COL13A1: variants seen among roughly 807,000 people sequenced by gnomAD.
The protein encoded by COL13A1 is collagen type XIII alpha 1 chain, also known as collagen alpha-1(XIII) chain.
COL13A1 carries 89 observed loss-of-function variants against 130.9 expected under a neutral mutation model. The observed-to-expected ratio is 0.68, with a 90% CI of 0.57 to 0.81. The LOEUF (loss-of-function observed/expected upper bound fraction) is 0.81, where lower values mean the gene tolerates loss of function less well. Ranked by LOEUF, COL13A1 falls within the 30% of genes least tolerant of loss-of-function variation. The pLI, the probability that COL13A1 is intolerant of heterozygous loss-of-function variation, is 0.00. For missense variants in COL13A1, 879 were observed against 934.6 expected (o/e 0.94, Z 0.78); for synonymous variants, 402 against 341.6 (o/e 1.18, Z -1.95).
intron 2 of COL13A1, among the ~76,000 whole-genome samples, chr10:69,837,530 A>G (rs904003338): frequency 3.3e-5 from 5 of 152,240 alleles, no homozygotes; most frequent in Non-Finnish European, 5.9e-5. Flanking sequence ...ATGCTGCCAC[A>G]GAAACTGATT....
intron 17 of COL13A1, among the ~76,000 whole-genome samples, chr10:69,914,819 G>T (rs2063750773): frequency 6.6e-6 from 1 of 152,224 alleles, no homozygotes; most frequent in Non-Finnish European, 1.5e-5. Flanking sequence ...TTCAGATGAG[G>T]TACTGTCACG....
In COL13A1 at chr10:69,857,436, G is replaced by A; in HGVS notation, c.365-10362G>A. On this transcript the variant is annotated intron_variant, in intron 2 of 40. Coordinates refer to ENST00000645393, the MANE Select transcript of COL13A1 (RefSeq NM_001368882.1). ...GGTACTGGTTCAGAGCAAGCGAAGT[G>A]TCCTCTGAATTGACAGCTGCTCCCC... is the stretch of plus-strand genomic sequence containing the variant. Among the ~76,000 whole-genome samples, 2 of 152,188 alleles carry A rather than the reference G, an allele frequency of 1.3e-5. 1 individual carries two copies. Among genetic ancestry groups the A allele is most frequent in the East Asian group, 3.9e-4 (2 of 5,184 alleles).
At chr10:69,943,405 G>A (rs1469605677) in intron 35 of COL13A1, among the ~76,000 whole-genome samples, 1 of 152,230 alleles carries the variant, frequency 6.6e-6, no homozygotes, top group Non-Finnish European at 1.5e-5. Flanking sequence ...AACTGGGAAC[G>A]TGGGAAGATG....
chr10:69,917,234 G>T, intron 17 of COL13A1, 55 bp from the exon 18 acceptor site: 2 of 1,606,412 alleles, frequency 1.2e-6, no homozygotes, highest in Non-Finnish European at 8.5e-7. Context: ...ATCCTTGCAG[G>T]CTGACAGGCC....
At chr10:69,850,519 C>T (rs1394625553) in intron 2 of COL13A1, among the ~76,000 whole-genome samples, 5 of 150,890 alleles carry the variant, frequency 3.3e-5, no homozygotes, top group South Asian at 2.1e-4. Context: ...GGCCTTCCAG[C>T]GGCCTCCTGC....
At chr10:69,836,374 T>TTGG (rs1850066341) in intron 2 of COL13A1, among the ~76,000 whole-genome samples, 1 of 152,174 alleles carries the variant, frequency 6.6e-6, no homozygotes, top group Non-Finnish European at 1.5e-5. Context: ...AACCACACTG[T>TTGG]TGGTGGCTTG....
chr10:69,900,093 G>A (rs1410061597), intron 14 of COL13A1, among the ~76,000 whole-genome samples: 1 of 152,166 alleles, frequency 6.6e-6, no homozygotes, highest in Non-Finnish European at 1.5e-5. Flanking sequence ...ACCAGAGCAT[G>A]GCTACTCAGG....
Position 69,958,739 on chromosome 10 carries a change from A to T in COL13A1, c.*38A>T, listed in dbSNP as rs2071301018. 2 of 1,612,570 alleles carry T rather than the reference A, an allele frequency of 1.2e-6. No homozygotes were observed. The highest frequency in any genetic ancestry group is 8.5e-7 in the Non-Finnish European group (1 of 1,179,614). ...TGGATTGGCCTGTGTGTGTGTTTGTACATAGAATATTTATTTTTATACAGT... is the reference window on the plus strand; with the variant it reads ...TGGATTGGCCTGTGTGTGTGTTTGTTCATAGAATATTTATTTTTATACAGT... On this transcript the variant is annotated 3_prime_UTR_variant, in exon 41 of 41. Coordinates refer to ENST00000645393, the MANE Select transcript of COL13A1 (RefSeq NM_001368882.1).
intron 38 of COL13A1, among the ~76,000 whole-genome samples, chr10:69,948,283 T>C (rs1000028813): frequency 6.6e-6 from 1 of 152,192 alleles, no homozygotes; most frequent in African/African-American, 2.4e-5. Flanking sequence ...ACTGATACCA[T>C]GTTCATGCAC....
intron 4 of COL13A1, among the ~76,000 whole-genome samples, chr10:69,874,450 A>G (rs2059385582): frequency 6.6e-6 from 1 of 152,184 alleles, no homozygotes; most frequent in Non-Finnish European, 1.5e-5. Flanking sequence ...AAGGGGGAGG[A>G]ACAAAACTTA....
rs2135670311 is a variant in COL13A1, at chr10:69,923,833, C to A, written c.1262C>A (p.Pro421His). The change falls in exon 24 of 41, where the codon CCC becomes CAC. Residue 421 changes from proline (P) to histidine (H), a missense_variant. Physicochemically the swap from Pro to His is moderately conservative, Grantham distance 77. Coordinates refer to ENST00000645393, the MANE Select transcript of COL13A1 (RefSeq NM_001368882.1). The stretch of plus-strand genomic sequence containing the variant: ...GCAGGTGTCGATGGCCAGGTTGGCC[C>A]CCCAGGGCAGCCAGGAGACAAGGTA... Reference protein sequence around the residue: ...GEAGVDGQVGPPGQPGDKGER... With the variant: ...GEAGVDGQVGHPGQPGDKGER... 1 of 1,612,064 alleles carries A rather than the reference C, an allele frequency of 6.2e-7. No individual in the cohort carries two copies. The highest frequency in any genetic ancestry group is 1.3e-5 in the African/African-American group (1 of 75,032).
chr10:69,935,311 G>C, intron 31 of COL13A1, 39 bp from the exon 32 acceptor site: 5 of 1,553,016 alleles, frequency 3.2e-6, no homozygotes, highest in Non-Finnish European at 4.4e-6. Flanking sequence ...AGGAGGGAGG[G>C]CCACTTCAAA....
intron 1 of COL13A1, among the ~76,000 whole-genome samples, chr10:69,818,003 CT>C (rs1485528941): frequency 2.0e-5 from 3 of 152,166 alleles, no homozygotes; most frequent in African/African-American, 7.2e-5. Context: ...CCTGTGGTAG[CT>C]TTGCCTGCTC....
chr10:69,886,307 A>G (rs1489208985), intron 7 of COL13A1, among the ~76,000 whole-genome samples: 1 of 152,202 alleles, frequency 6.6e-6, no homozygotes, highest in East Asian at 1.9e-4. Context: ...TTATACTGTT[A>G]CCTCTATTCT....
intron 24 of COL13A1, among the ~76,000 whole-genome samples, chr10:69,924,646 G>A (rs908214517): frequency 6.6e-6 from 1 of 152,102 alleles, no homozygotes; most frequent in African/African-American, 2.4e-5. Flanking sequence ...AGAAGCAAAC[G>A]TCCCTGCTCC....
Position 69,802,177 on chromosome 10 carries a change from G to A in COL13A1, c.-247G>A, listed in dbSNP as rs923893604. On this transcript the variant is annotated 5_prime_UTR_variant, in exon 1 of 41. Transcript: ENST00000645393. ...GATTCCCCTAACTTTCCTGGACTTGGAACGTTCTTCGAAATAACTTTTTTC... is the reference window on the plus strand; with the variant it reads ...GATTCCCCTAACTTTCCTGGACTTGAAACGTTCTTCGAAATAACTTTTTTC... The A allele has an allele frequency of 2.6e-5, 12 of 463,826 alleles. No individual in the cohort carries two copies. Among genetic ancestry groups the A allele is most frequent in the Admixed American group, 1.3e-4 (3 of 22,886 alleles). The allele number at this position is 463,826 out of a possible 1,614,324, so 28.7% of individuals were successfully genotyped here.
At chr10:69,881,876 C>T (rs2060175610) in intron 7 of COL13A1, among the ~76,000 whole-genome samples, 1 of 152,218 alleles carries the variant, frequency 6.6e-6, no homozygotes, top group Non-Finnish European at 1.5e-5. Flanking sequence ...GTGACTTGCC[C>T]AGAGCCATAG....
intron 13 of COL13A1, among the ~76,000 whole-genome samples, chr10:69,896,428 C>G (rs533308882): frequency 6.6e-6 from 1 of 152,196 alleles, no homozygotes; most frequent in South Asian, 2.1e-4. Context: ...GGCCTCGTTG[C>G]TCCCAGACCT....
At chr10:69,948,213 G>A (rs2068839903) in intron 38 of COL13A1, among the ~76,000 whole-genome samples, 1 of 152,210 alleles carries the variant, frequency 6.6e-6, no homozygotes, top group African/African-American at 2.4e-5. Flanking sequence ...GGATCCCATG[G>A]AGAGTTAGAG....
Sources: allele counts gnomAD v4.1 joint callset (sites outside exome capture counted in the v4.1 genomes callset), GRCh38; gene constraint gnomAD v4.1.1; transcripts MANE v1.5; gene names NCBI Gene and HGNC (gene_info 2026-07-23, HGNC 2026-07-21).